Variants in IQSEC3 observed in about 807,000 individuals in gnomAD.
IQSEC3 encodes the protein IQ motif and SEC7 domain-containing protein 3.
IQSEC3 carries 50 observed loss-of-function variants against 105.4 expected under a neutral mutation model. The observed-to-expected ratio is 0.47, with a 90% CI of 0.38 to 0.60. The LOEUF (loss-of-function observed/expected upper bound fraction) is 0.60. IQSEC3 is among the 20% of genes least tolerant of loss of function. IQSEC3 has a pLI of 0.00. For missense variants in IQSEC3, 1,415 were observed against 1,630.0 expected (o/e 0.87, Z 2.27); for synonymous variants, 708 against 746.0 (o/e 0.95, Z 0.83).
At chr12:86,878 C>T (rs1275159961) in intron 1 of IQSEC3, among the ~76,000 whole-genome samples, 2 of 151,966 alleles carry the variant, frequency 1.3e-5, no homozygotes, top group Non-Finnish European at 2.9e-5. Context: ...GGCAAGGATG[C>T]TATGCAGGTC....
chr12:96,955 A>C (rs1864258646), intron 1 of IQSEC3, among the ~76,000 whole-genome samples: 1 of 152,240 alleles, frequency 6.6e-6, no homozygotes, highest in African/African-American at 2.4e-5. Context: ...CCACAGCCTC[A>C]CCAGCACTCA....
At chr12:93,907 G>A (rs1360941275) in intron 1 of IQSEC3, among the ~76,000 whole-genome samples, 2 of 152,038 alleles carry the variant, frequency 1.3e-5, no homozygotes, top group Non-Finnish European at 2.9e-5. Context: ...TGTCATCTCT[G>A]CACACACTGG....
At position 138,665 on chromosome 12, in the gene IQSEC3, C is replaced by T. The variant is rs1555087498; in HGVS notation, c.1302C>T (p.Tyr434=). The T allele has an allele frequency of 1.9e-6, 3 of 1,561,374 alleles. No homozygotes were observed. The highest frequency in any genetic ancestry group is 1.4e-5 in the African/African-American group (1 of 73,662). The change falls in exon 4 of 14, where the codon TAC becomes TAT. Residue 434 remains tyrosine (Y), a synonymous_variant. Coordinates refer to ENST00000538872, the MANE Select transcript of IQSEC3 (RefSeq NM_001170738.2). This position sits in a 1 kb window ranked among gnomAD's most constrained non-coding sequence, Gnocchi z 7.1. ...TMCSLRESGA[Y]QLHQALQAAA... is the part of the protein sequence containing the mutation. ...GCTCCCTGCGGGAGAGTGGCGCTTACCAGCTCCACCAGGCCCTGCAGGCGG... is the reference window on the plus strand; with the variant it reads ...GCTCCCTGCGGGAGAGTGGCGCTTATCAGCTCCACCAGGCCCTGCAGGCGG...
intron 9 of IQSEC3, among the ~76,000 whole-genome samples, chr12:165,021 A>G (rs1246538232): frequency 1.3e-5 from 2 of 152,226 alleles, no homozygotes; most frequent in African/African-American, 4.8e-5. Context: ...TTGAGACTTA[A>G]GTAATGAGAG....
intron 1 of IQSEC3, among the ~76,000 whole-genome samples, chr12:96,046 C>A (rs1555074705): frequency 6.6e-6 from 1 of 152,124 alleles, no homozygotes; most frequent in Non-Finnish European, 1.5e-5. Flanking sequence ...CCTAAGAACA[C>A]GCACCCAAGG....
intron 2 of IQSEC3, among the ~76,000 whole-genome samples, chr12:110,478 C>G (rs538459578): frequency 3.3e-5 from 5 of 151,726 alleles, no homozygotes; most frequent in Non-Finnish European, 5.9e-5. Context: ...ACTTTTTAAT[C>G]CCTTTAATTA....
At chr12:165,060 A>G (rs1867102577) in intron 9 of IQSEC3, among the ~76,000 whole-genome samples, 1 of 152,232 alleles carries the variant, frequency 6.6e-6, no homozygotes, top group African/African-American at 2.4e-5. Flanking sequence ...AGCTGCCGGG[A>G]GAGCTGTGGA....
Position 171,166 on chromosome 12 carries a change from G to A in IQSEC3, c.3114+5G>A, listed in dbSNP as rs1591760148. The A allele has an allele frequency of 6.2e-7, 1 of 1,614,130 alleles. No homozygotes were observed. The highest frequency in any genetic ancestry group is 8.5e-7 in the Non-Finnish European group (1 of 1,179,994). ...CCGGCGGAGAGCACGGTGGAGGTAAGTGGAGCCCTGGTTGCCCAGGTGAGT... is the reference window on the plus strand; with the variant it reads ...CCGGCGGAGAGCACGGTGGAGGTAAATGGAGCCCTGGTTGCCCAGGTGAGT... On this transcript the variant is annotated splice_donor_5th_base_variant and intron_variant, in intron 13 of 13. Coordinates refer to ENST00000538872, the MANE Select transcript of IQSEC3 (RefSeq NM_001170738.2).
chr12:174,739 GC>G lies in IQSEC3; in HGVS notation c.3260del (p.Pro1087ArgfsTer28), dbSNP rs776584036. ...CACCACTGCCGCCGCCGCCACCCAC[GC>G]CCCCGGGCACCCTGGTGCAGTGCCA... ...TPPLPPPPPT[P>X]PGTLVQCQQI... On this transcript the variant is annotated frameshift_variant, in exon 14 of 14. Transcript: ENST00000538872. LOFTEE classifies it high-confidence loss of function. 7 of 1,588,924 alleles carry G rather than the reference GC, an allele frequency of 4.4e-6. No homozygotes were observed. The highest frequency in any genetic ancestry group is 5.9e-6 in the Non-Finnish European group (7 of 1,176,600).
At chr12:145,160 T>G (rs1466749547) in intron 5 of IQSEC3, among the ~76,000 whole-genome samples, 1 of 152,264 alleles carries the variant, frequency 6.6e-6, no homozygotes, top group Non-Finnish European at 1.5e-5. Context: ...GAAATCAGCC[T>G]CAGTTTCCTC....
intron 7 of IQSEC3, among the ~76,000 whole-genome samples, chr12:158,621 A>C (rs977715574): frequency 1.1e-4 from 16 of 152,170 alleles, no homozygotes; most frequent in Non-Finnish European, 1.9e-4. Context: ...ACTTCATCTA[A>C]ATAGAGCTAT....
At chr12:71,730 A>G (rs1555067607) in intron 1 of IQSEC3, among the ~76,000 whole-genome samples, 1 of 152,270 alleles carries the variant, frequency 6.6e-6, no homozygotes, top group Non-Finnish European at 1.5e-5. Flanking sequence ...GACAGTCTCA[A>G]CACACAGGGA....
intron 4 of IQSEC3, 63 bp downstream of exon 4, chr12:139,417 G>T: frequency 1.4e-5 from 19 of 1,347,110 alleles, no homozygotes; most frequent in Non-Finnish European, 1.9e-5. Flanking sequence ...GAAGGAGGAG[G>T]GCACCTTCCC....
chr12:134,382 C>T (rs1400208265), intron 3 of IQSEC3, among the ~76,000 whole-genome samples: 1 of 152,200 alleles, frequency 6.6e-6, no homozygotes, highest in Non-Finnish European at 1.5e-5. Flanking sequence ...AGACATTGCC[C>T]AGTAGTACAC....
In IQSEC3 at chr12:138,804, C is replaced by A; in HGVS notation, c.1441C>A (p.Leu481Ile). 1 of 1,608,676 alleles carries A rather than the reference C, an allele frequency of 6.2e-7. No homozygotes were observed. The highest frequency in any genetic ancestry group is 8.5e-7 in the Non-Finnish European group (1 of 1,178,832). The part of the protein sequence containing the change: ...PGLPPAHSGT[L>I]MMAFRDVTVQ... The stretch of plus-strand genomic sequence containing the variant: ...CCTGCCCCCGGCCCACAGCGGGACC[C>A]TCATGATGGCTTTCCGGGACGTCAC... Residue 481 changes from leucine (L) to isoleucine (I), a missense_variant, in exon 4 of 14, where the codon CTC (leucine) becomes ATC (isoleucine). Leu to Ile is a conservative substitution (Grantham distance 5). This residue lies in a region of IQSEC3 where 720 missense variants were observed against 633.0 expected (regional missense o/e 1.14). Transcript: ENST00000538872. The surrounding 1 kb of genome is among the most constrained non-coding windows in gnomAD (Gnocchi z 7.1).
chr12:169,157 A>G, intron 12 of IQSEC3, 52 bp downstream of exon 12: 1 of 1,506,958 alleles, frequency 6.6e-7, no homozygotes, highest in Non-Finnish European at 9.2e-7. Flanking sequence ...CCACTCGGGG[A>G]CCCTGGGTGT....
intron 7 of IQSEC3, among the ~76,000 whole-genome samples, chr12:159,201 TC>T (rs1450179987): frequency 6.6e-6 from 1 of 152,192 alleles, no homozygotes; most frequent in Non-Finnish European, 1.5e-5. Context: ...TCTGAGGACC[TC>T]CCCTGATTCA....
chr12:81,244 G>A (rs782445684), intron 1 of IQSEC3, among the ~76,000 whole-genome samples: 16 of 149,290 alleles, frequency 1.1e-4, no homozygotes, highest in Non-Finnish European at 1.9e-4. Flanking sequence ...AAATGCCCCT[G>A]TTTCTTGTTG....
chr12:123,849 T>C (rs1314946052), intron 2 of IQSEC3, among the ~76,000 whole-genome samples: 1 of 152,156 alleles, frequency 6.6e-6, no homozygotes, highest in Non-Finnish European at 1.5e-5. Context: ...GGGCCCCTGT[T>C]CCTCATTTAT....
Sources: gnomAD v4.1 joint callset for allele counts (sites outside exome capture counted in the v4.1 genomes callset) on GRCh38, gnomAD v4.1.1 for gene constraint, gnomAD v4.1.1 regional missense constraint, Gnocchi (gnomAD v3.1) non-coding constraint, MANE v1.5 for transcripts, NCBI Gene and HGNC (gene_info 2026-07-23, HGNC 2026-07-21) for gene names.